Variants in GARIN4 observed in about 807,000 individuals in gnomAD.
GARIN4 encodes the protein Golgi-associated RAB2 interactor protein 4.
the GARIN4 span, chr1:212,625,089 T>A: frequency 6.2e-7 from 1 of 1,614,098 alleles, no homozygotes. Context: ...ATGGTGACCA[T>A]GGGCATTGCA....
chr1:212,624,922 C>T, the GARIN4 span: 1 of 1,612,500 alleles, frequency 6.2e-7, no homozygotes, highest in South Asian at 1.1e-5. Context: ...CCCAGAGTGG[C>T]TCCAGCATGA....
At chr1:212,626,531 G>A in the GARIN4 span, 17 of 1,614,048 alleles carry the variant, frequency 1.1e-5, no homozygotes, top group Admixed American at 1.0e-4. Context: ...AGATGTGAAC[G>A]TCATGGCTAA....
At chr1:212,624,609 C>A in the GARIN4 span, 1 of 379,082 alleles carries the variant, frequency 2.6e-6, no homozygotes, top group Non-Finnish European at 4.6e-6. Flanking sequence ...CTCTGGAGCC[C>A]ACCCTGCATC....
the GARIN4 span, chr1:212,626,146 G>A: frequency 6.2e-7 from 1 of 1,614,186 alleles, no homozygotes; most frequent in Non-Finnish European, 8.5e-7. Flanking sequence ...GCAAGGAGGG[G>A]AGGGAAAGAA....
the GARIN4 span, chr1:212,626,284 T>C: frequency 1.2e-6 from 2 of 1,613,814 alleles, no homozygotes; most frequent in Non-Finnish European, 8.5e-7. Flanking sequence ...ACAGAGCCAA[T>C]AGAGATGACA....
the GARIN4 span, chr1:212,626,428 C>T: frequency 1.3e-5 from 21 of 1,614,080 alleles, no homozygotes; most frequent in East Asian, 2.2e-5. Context: ...CCACCAGTTC[C>T]GGTTCCAGCA....
the GARIN4 span, chr1:212,624,617 A>C: frequency 2.5e-6 from 1 of 406,992 alleles, no homozygotes; most frequent in Non-Finnish European, 4.2e-6. Context: ...CCCACCCTGC[A>C]TCTCTACGTC....
chr1:212,625,115 C>T, the GARIN4 span: 1 of 1,614,178 alleles, frequency 6.2e-7, no homozygotes, highest in Non-Finnish European at 8.5e-7. Context: ...CAGCCCCATC[C>T]TCCCACTCCC....
At chr1:212,626,346 AT>A in the GARIN4 span, 1 of 1,614,216 alleles carries the variant, frequency 6.2e-7, no homozygotes. Flanking sequence ...AGGGACTCGC[AT>A]AAAGGTGTCA....
At chr1:212,625,747 C>A in the GARIN4 span, 146 of 1,613,788 alleles carry the variant, frequency 9.0e-5, no homozygotes, top group Middle Eastern at 8.2e-4. Flanking sequence ...CAGCAACAGG[C>A]ACCGTAGCAG....
chr1:212,625,775 G>A, the GARIN4 span: 34 of 1,613,804 alleles, frequency 2.1e-5, no homozygotes, highest in East Asian at 6.9e-4. Context: ...GAGTGTGGCA[G>A]CAGCCAATTC....
chr1:212,626,073 A>C, the GARIN4 span: 3 of 1,614,084 alleles, frequency 1.9e-6, no homozygotes, highest in Admixed American at 1.7e-5. Flanking sequence ...TCCACCCGGC[A>C]GAGCAAGAGC....
At chr1:212,626,646 C>G in the GARIN4 span, 1 of 1,601,162 alleles carries the variant, frequency 6.2e-7, no homozygotes, top group Non-Finnish European at 8.5e-7. Context: ...GAGACAGTGA[C>G]CTTTGAAGCC....
chr1:212,624,867 G>A, the GARIN4 span: 1 of 1,565,428 alleles, frequency 6.4e-7, no homozygotes, highest in South Asian at 1.2e-5. Flanking sequence ...CCGTTGTGCT[G>A]AAAGACAACC....
chr1:212,625,708 G>GGCA, the GARIN4 span: 2 of 1,614,036 alleles, frequency 1.2e-6, no homozygotes, highest in East Asian at 2.2e-5. Flanking sequence ...GGATTAAAGA[G>GGCA]GCAGCAGCAG....
chr1:212,625,856 A>G, the GARIN4 span: 1 of 1,614,242 alleles, frequency 6.2e-7, no homozygotes, highest in Non-Finnish European at 8.5e-7. Context: ...CAAAGGCAAC[A>G]TGGCCCTTGC....
chr1:212,625,705 A>G, the GARIN4 span: 1 of 1,613,968 alleles, frequency 6.2e-7, no homozygotes, highest in African/African-American at 1.3e-5. Context: ...GGGGGATTAA[A>G]GAGGCAGCAG....
At chr1:212,625,343 G>A in the GARIN4 span, 59 of 1,614,122 alleles carry the variant, frequency 3.7e-5, no homozygotes, top group South Asian at 1.1e-4. Flanking sequence ...ATTGTGTCCC[G>A]CTCTTGACAC....
At chr1:212,626,183 A>G in the GARIN4 span, 4 of 1,614,118 alleles carry the variant, frequency 2.5e-6, no homozygotes, top group Non-Finnish European at 3.4e-6. Context: ...TCTCGGAAGG[A>G]GTTCCCATCG....
Sources: gnomAD v4.1 joint callset for allele counts on GRCh38, gnomAD v4.1.1 for gene constraint, MANE v1.5 for transcripts, NCBI Gene and HGNC (gene_info 2026-07-23, HGNC 2026-07-21) for gene names.